UBE4B: variants seen among roughly 807,000 people sequenced by gnomAD.
The protein encoded by UBE4B is ubiquitin conjugation factor E4 B.
In UBE4B, 27 loss-of-function variants were observed where a neutral mutation model predicts 148.1. The observed-to-expected ratio is 0.18, with a 90% CI of 0.13 to 0.25. The LOEUF (loss-of-function observed/expected upper bound fraction) is 0.25, where lower values mean the gene tolerates loss of function less well. Ranked by LOEUF, UBE4B falls within the 10% of genes least tolerant of loss-of-function variation. The pLI, the probability that UBE4B is intolerant of heterozygous loss-of-function variation, is 1.00. For missense variants in UBE4B, 1,170 were observed against 1,662.4 expected (o/e 0.70, Z 5.15); for synonymous variants, 596 against 619.3 (o/e 0.96, Z 0.56).
At chr1:10,050,141 G>A (rs1401999550) in intron 1 of UBE4B, among the ~76,000 whole-genome samples, 4 of 151,978 alleles carry the variant, frequency 2.6e-5, no homozygotes, top group Non-Finnish European at 5.9e-5. Context: ...TGGCGCTCTT[G>A]GCTCACTGCA....
Position 10,162,164 on chromosome 1 carries a change from A to G in UBE4B, c.3198+878A>G, listed in dbSNP as rs548956730. Among the ~76,000 whole-genome samples, 131 of 151,444 alleles carry G rather than the reference A, an allele frequency of 8.7e-4. 1 individual carries two copies. The highest frequency in any genetic ancestry group is 2.9e-3 in the African/African-American group (119 of 41,262). On this transcript the variant is annotated intron_variant, in intron 23 of 27. Coordinates refer to ENST00000343090, the MANE Select transcript of UBE4B (RefSeq NM_001105562.3). ...CAGGCGCCTGCCACCACACCTGGCT[A>G]GTTTTTGTATTTTGTTTGTTTGTTT...
chr1:10,142,453 A>G (rs1645798093), intron 17 of UBE4B, among the ~76,000 whole-genome samples: 1 of 152,072 alleles, frequency 6.6e-6, no homozygotes, highest in African/African-American at 2.4e-5. Context: ...GGCAGATCAC[A>G]TGAGGTCAGG....
chr1:10,102,869 C>T, intron 4 of UBE4B, 79 bp from the exon 5 acceptor site: 1 of 1,400,376 alleles, frequency 7.1e-7, no homozygotes, highest in Non-Finnish European at 9.7e-7. Flanking sequence ...TGAATTAAAT[C>T]AGAATAACGT....
chr1:10,169,472 T>G (rs903147058), intron 24 of UBE4B, among the ~76,000 whole-genome samples: 1 of 152,150 alleles, frequency 6.6e-6, no homozygotes, highest in Admixed American at 6.5e-5. Context: ...TAAACAGATT[T>G]CAGTGCAAGA....
chr1:10,064,766 C>CT lies in UBE4B; in HGVS notation c.25-7246dup, dbSNP rs1210924189. 5.2e-3 allele frequency among the ~76,000 whole-genome samples: 718 copies of CT among 139,186 alleles called. 2 individuals carry two copies. Among genetic ancestry groups the CT allele is most frequent in the Middle Eastern group, 0.02 (5 of 256 alleles). 91.3% of individuals were successfully genotyped at this position (139,186 alleles called of 152,430 possible). On this transcript the variant is annotated intron_variant, in intron 1 of 27. Coordinates refer to ENST00000343090, the MANE Select transcript of UBE4B (RefSeq NM_001105562.3). ...TTTTCCCTCAACTTTCTATTCTGGA[C>CT]TTTTTTTTTTTTTTTTAGATAGAGT...
At chr1:10,062,249 T>C (rs1428762415) in intron 1 of UBE4B, among the ~76,000 whole-genome samples, 1 of 152,148 alleles carries the variant, frequency 6.6e-6, no homozygotes. Flanking sequence ...CTAATTTCCT[T>C]ATCTCTTTGA....
At chr1:10,130,933 C>T (rs1308442968) in intron 14 of UBE4B, 120 bp downstream of exon 14, 3 of 813,590 alleles carry the variant, frequency 3.7e-6, no homozygotes, top group Non-Finnish European at 6.0e-6. Context: ...CCAATTCGAT[C>T]TTACATAAAA....
intron 1 of UBE4B, among the ~76,000 whole-genome samples, chr1:10,035,389 GTTTTTTTT>G (rs533941719): frequency 6.1e-5 from 4 of 65,822 alleles, no homozygotes; most frequent in Admixed American, 2.2e-4. Flanking sequence ...CAGAGATACT[GTTTTTTTT>G]TTTTTTTTTT....
intron 1 of UBE4B, chr1:10,054,731 T>C: frequency 4.4e-6 from 1 of 229,220 alleles, no homozygotes; most frequent in Middle Eastern, 6.8e-4. Flanking sequence ...TTGCGGGGCA[T>C]TTTTTTTGGA....
Position 10,054,641 on chromosome 1 carries a change from G to A in UBE4B, c.25-17387G>A, listed in dbSNP as rs937762281. 3.1e-5 allele frequency: 8 copies of A among 257,794 alleles called. No homozygotes were observed. The Admixed American group carries it at 3.5e-4, about 11-fold the overall frequency. 16.0% of individuals were successfully genotyped at this position (257,794 alleles called of 1,614,324 possible). A position where few individuals can be genotyped will look rare whatever the true frequency, so the allele number is the denominator to read the frequency against. ...GCATATTAATTCTCTTGGCAAGACT[G>A]TTGCCATTGTTCATTTACTACAATG... On this transcript the variant is annotated intron_variant, in intron 1 of 27. Coordinates refer to ENST00000343090, the MANE Select transcript of UBE4B (RefSeq NM_001105562.3).
Position 10,158,369 on chromosome 1 carries a change from C to T in UBE4B, c.2940C>T (p.Thr980=), listed in dbSNP as rs762798691. The T allele has an allele frequency of 1.1e-5, 17 of 1,614,008 alleles. No individual in the cohort carries two copies. The highest frequency in any genetic ancestry group is 2.2e-5 in the South Asian group (2 of 91,078). The change falls in exon 22 of 28, where the codon ACC becomes ACT. Residue 980 remains threonine, a synonymous_variant. Transcript: ENST00000343090. ...TTTCTTCTTTAGATGTTGAGCATACCGGAGCCACCAGTGAGTTTTATGACA... is the reference window on the plus strand; with the variant it reads ...TTTCTTCTTTAGATGTTGAGCATACTGGAGCCACCAGTGAGTTTTATGACA... The part of the protein sequence containing the change: ...LMKFYTDVEH[T]GATSEFYDKF...
At chr1:10,066,852 G>C (rs2101823070) in intron 1 of UBE4B, among the ~76,000 whole-genome samples, 1 of 152,190 alleles carries the variant, frequency 6.6e-6, no homozygotes, top group Admixed American at 6.5e-5. Context: ...GTTGCAGTGA[G>C]CCAAGATCAC....
At chr1:10,163,137 C>T (rs1646192974) in intron 23 of UBE4B, 1 of 152,094 alleles carries the variant, frequency 6.6e-6, no homozygotes, top group Non-Finnish European at 1.5e-5. Flanking sequence ...TAGCACACCA[C>T]AGCCTCAACC....
chr1:10,119,762 A>G (rs1645380814), intron 9 of UBE4B, 149 bp downstream of exon 9: 2 of 588,804 alleles, frequency 3.4e-6, no homozygotes, highest in South Asian at 2.0e-5. Context: ...CTAAAATACT[A>G]TGAAAATAAA....
chr1:10,071,149 C>T (rs942872950), intron 1 of UBE4B, among the ~76,000 whole-genome samples: 2 of 152,130 alleles, frequency 1.3e-5, no homozygotes, highest in Admixed American at 1.3e-4. Flanking sequence ...TCGTGATCCT[C>T]CTGCCTCAGC....
intron 17 of UBE4B, among the ~76,000 whole-genome samples, chr1:10,143,072 C>T (rs143135527): frequency 0.017 from 2,638 of 152,260 alleles, 29 homozygotes; most frequent in Non-Finnish European, 0.025. Context: ...CGTGCCACTG[C>T]ACTCCAGGGC....
chr1:10,142,390 C>T (rs755272788), intron 17 of UBE4B, among the ~76,000 whole-genome samples: 2 of 152,102 alleles, frequency 1.3e-5, no homozygotes, highest in East Asian at 3.9e-4. Flanking sequence ...GTCCTAAAAT[C>T]GGCCCAGCGC....
chr1:10,049,309 G>C (rs538610643), intron 1 of UBE4B, among the ~76,000 whole-genome samples: 4 of 152,264 alleles, frequency 2.6e-5, no homozygotes, highest in African/African-American at 9.6e-5. Context: ...ACACAGGAAC[G>C]CAACCAGCTA....
intron 2 of UBE4B, among the ~76,000 whole-genome samples, chr1:10,080,426 AAAAG>A (rs201059375): frequency 0.026 from 3,891 of 151,664 alleles, 133 homozygotes; most frequent in African/African-American, 0.088. Flanking sequence ...CAAAAAAAAA[AAAAG>A]AAAGAAAGAA....
Sources: gnomAD v4.1 joint callset for allele counts (sites outside exome capture counted in the v4.1 genomes callset) on GRCh38, gnomAD v4.1.1 for gene constraint, MANE v1.5 for transcripts, NCBI Gene and HGNC (gene_info 2026-07-23, HGNC 2026-07-21) for gene names.